CSNK1G2: variants seen among roughly 807,000 people sequenced by gnomAD.
CSNK1G2 encodes casein kinase I isoform gamma-2.
A neutral mutation model predicts 48.0 loss-of-function variants in CSNK1G2; 11 were observed. The observed-to-expected ratio is 0.23, with a 90% CI of 0.14 to 0.38. The LOEUF is 0.38. Among genes scored for constraint, CSNK1G2 ranks in the 10% least tolerant of loss-of-function variants. CSNK1G2 has a pLI of 1.00. For synonymous variants in CSNK1G2, 337 were observed against 254.1 expected (o/e 1.33, Z -3.10); for missense variants, 446 against 595.5 (o/e 0.75, Z 2.61).
At chr19:1,970,653 C>G (rs537559479) in intron 2 of CSNK1G2, among the ~76,000 whole-genome samples, 88 of 152,310 alleles carry the variant, frequency 5.8e-4, no homozygotes, top group Admixed American at 2.0e-3. Flanking sequence ...CTGTGATTAG[C>G]TGGGCCAGGG....
intron 2 of CSNK1G2, among the ~76,000 whole-genome samples, chr19:1,971,800 C>T (rs1429036471): frequency 3.6e-5 from 5 of 138,382 alleles, no homozygotes; most frequent in East Asian, 2.1e-4. Flanking sequence ...GACGGAGTCT[C>T]GCTCGGTCAC....
intron 1 of CSNK1G2, among the ~76,000 whole-genome samples, chr19:1,958,339 G>A (rs932224473): frequency 6.6e-6 from 1 of 152,016 alleles, no homozygotes; most frequent in Non-Finnish European, 1.5e-5. Context: ...GGGCCGTCTT[G>A]CAGGGCTCAG....
chr19:1,980,319 C>G lies in CSNK1G2; in HGVS notation c.*116C>G. 14 of 1,323,264 alleles carry G rather than the reference C, an allele frequency of 1.1e-5. No homozygotes were observed. Among genetic ancestry groups the G allele is most frequent in the Non-Finnish European group, 1.5e-5 (14 of 932,810 alleles). 82.0% of individuals were successfully genotyped at this position (1,323,264 alleles called of 1,614,324 possible). A position where few individuals can be genotyped will look rare whatever the true frequency, so the allele number is the denominator to read the frequency against. On this transcript the variant is annotated 3_prime_UTR_variant, in exon 12 of 12. Transcript: ENST00000255641. ...CCAGGGCCAGACCCTGGCTGGAAGC[C>G]AGAACGCAGACTGCAGGGGCCGCGC... is the stretch of plus-strand genomic sequence containing the variant.
rs574498096 is a variant in CSNK1G2 at position 1,963,573 on chromosome 19, T to C, written c.-265-5935T>C. On this transcript the variant is annotated intron_variant, in intron 1 of 11. Transcript: ENST00000255641. Reference sequence around the variant, plus strand: ...CCCAGGCTGGAGTGCAGTGGTGTGATCTCGGCTCACTGCAACCTTCGCCTT... The same window carrying C: ...CCCAGGCTGGAGTGCAGTGGTGTGACCTCGGCTCACTGCAACCTTCGCCTT... Among the ~76,000 whole-genome samples the C allele has an allele frequency of 5.3e-5, 8 of 151,230 alleles. No individual in the cohort carries two copies. In the South Asian group the frequency reaches 1.7e-3, roughly 32 times the overall value.
At chr19:1,971,879 C>T (rs904445005) in intron 2 of CSNK1G2, among the ~76,000 whole-genome samples, 3 of 151,326 alleles carry the variant, frequency 2.0e-5, no homozygotes, top group Non-Finnish European at 2.9e-5. Flanking sequence ...ACGCCATTCT[C>T]CTGCCTCAGC....
At chr19:1,954,277 G>C (rs374219251) in intron 1 of CSNK1G2, 50 of 272,330 alleles carry the variant, frequency 1.8e-4, no homozygotes, top group African/African-American at 1.1e-3. Context: ...CCTGGCACTG[G>C]AAGTATGTGC....
At chr19:1,962,847 G>A (rs976207338) in intron 1 of CSNK1G2, among the ~76,000 whole-genome samples, 15 of 152,178 alleles carry the variant, frequency 9.9e-5, no homozygotes, top group African/African-American at 3.4e-4. Flanking sequence ...CCCAGGTGGA[G>A]TGGAAGCCCG....
rs569968177 is a variant in CSNK1G2, at chr19:1,945,150, C to T, written c.-266+3732C>T. Among the ~76,000 whole-genome samples the T allele has an allele frequency of 4.6e-5, 7 of 152,350 alleles. No homozygotes were observed. The South Asian group carries it at 8.3e-4, about 18-fold the overall frequency. On this transcript the variant is annotated intron_variant, in intron 1 of 11. Coordinates refer to ENST00000255641, the MANE Select transcript of CSNK1G2 (RefSeq NM_001319.7). Reference sequence around the variant, plus strand: ...CCTGCCCAGAGTCTCTGGCCACCACCGCTGCTTGGGGCCCTGCACCAGCCT... The same window carrying T: ...CCTGCCCAGAGTCTCTGGCCACCACTGCTGCTTGGGGCCCTGCACCAGCCT...
At chr19:1,944,542 A>C (rs2014483719) in intron 1 of CSNK1G2, among the ~76,000 whole-genome samples, 1 of 152,018 alleles carries the variant, frequency 6.6e-6, no homozygotes, top group Non-Finnish European at 1.5e-5. Flanking sequence ...AGTGACAGCG[A>C]GGGGTGGTGG....
At chr19:1,942,578 C>A (rs2014407762) in intron 1 of CSNK1G2, 3 of 152,236 alleles carry the variant, frequency 2.0e-5, no homozygotes, top group Non-Finnish European at 4.4e-5. Flanking sequence ...TCCCGGAGGC[C>A]CTGGTAGCTC....
At position 1,969,914 on chromosome 19, in the gene CSNK1G2, G is replaced by A. The variant is rs146993687; in HGVS notation, c.142G>A (p.Val48Ile). The part of the protein sequence containing the change: ...GVLMVGPNFR[V>I]GKKIGCGNFG... The stretch of plus-strand genomic sequence containing the variant: ...CCTGATGGTGGGCCCCAACTTCCGC[G>A]TCGGCAAGAAGATCGGCTGCGGCAA... Residue 48 changes from valine to isoleucine, a missense_variant, in exon 2 of 12, where the codon GTC (valine) becomes ATC (isoleucine). Physicochemically the swap from Val to Ile is conservative, Grantham distance 29. Coordinates refer to ENST00000255641, the MANE Select transcript of CSNK1G2 (RefSeq NM_001319.7). 17 of 1,312,058 alleles carry A rather than the reference G, an allele frequency of 1.3e-5. No individual in the cohort carries two copies. Among genetic ancestry groups the A allele is most frequent in the East Asian group, 2.8e-5 (1 of 35,726 alleles). The allele number at this position is 1,312,058 out of a possible 1,614,324, so 81.3% of individuals were successfully genotyped here. A position where few individuals can be genotyped will look rare whatever the true frequency, so the allele number is the denominator to read the frequency against.
intron 1 of CSNK1G2, chr19:1,953,491 C>T (rs746996573): frequency 1.5e-5 from 8 of 533,750 alleles, no homozygotes. Flanking sequence ...GGCAGCCTTG[C>T]CTCCGTTTGC....
At chr19:1,948,516 C>T (rs1451298152) in intron 1 of CSNK1G2, among the ~76,000 whole-genome samples, 6 of 125,020 alleles carry the variant, frequency 4.8e-5, no homozygotes, top group South Asian at 5.6e-4. Flanking sequence ...AGTGAGACTC[C>T]GTCTCAAAAA....
intron 1 of CSNK1G2, among the ~76,000 whole-genome samples, chr19:1,946,975 A>G (rs530945779): frequency 6.6e-6 from 1 of 151,656 alleles, no homozygotes; most frequent in African/African-American, 2.4e-5. Flanking sequence ...GCTGGTCTTG[A>G]ACTCCTGACC....
intron 2 of CSNK1G2, among the ~76,000 whole-genome samples, chr19:1,974,037 G>A (rs1418699760): frequency 3.3e-5 from 5 of 151,940 alleles, no homozygotes; most frequent in South Asian, 2.1e-4. Flanking sequence ...ACAGGCGCCC[G>A]TCACCACACC....
chr19:1,959,696 C>T (rs76649780), intron 1 of CSNK1G2, among the ~76,000 whole-genome samples: 1 of 119,370 alleles, frequency 8.4e-6, no homozygotes, highest in Non-Finnish European at 1.6e-5. Flanking sequence ...CCCCAGCACC[C>T]GTCCCACCTT....
intron 1 of CSNK1G2, among the ~76,000 whole-genome samples, chr19:1,964,494 G>A (rs1338406152): frequency 2.6e-5 from 4 of 152,000 alleles, no homozygotes; most frequent in African/African-American, 9.7e-5. Flanking sequence ...CCAAGGAGAG[G>A]CCCACCCTCT....
At position 1,979,503 on chromosome 19, in the gene CSNK1G2, G is replaced by A. The variant is rs1470746993; in HGVS notation, c.862G>A (p.Ala288Thr). 1 of 1,602,518 alleles carries A rather than the reference G, an allele frequency of 6.2e-7. No homozygotes were observed. The highest frequency in any genetic ancestry group is 8.5e-7 in the Non-Finnish European group (1 of 1,178,550). Residue 288 changes from alanine (A) to threonine (T), a missense_variant, in exon 9 of 12, where the codon GCC (alanine) becomes ACC (threonine). Physicochemically the swap from Ala to Thr is moderately conservative, Grantham distance 58. Around this residue, in one of 2 missense-constraint regions of CSNK1G2, gnomAD observed 188 missense variants for 179.6 expected, o/e 1.05. Coordinates refer to ENST00000255641, the MANE Select transcript of CSNK1G2 (RefSeq NM_001319.7). ...VLCENFPEEM[A>T]TYLRYVRRLD... ...TGGCGCTCTCTCTGCAGAGGAGATGGCCACGTACCTGCGCTATGTGCGGCG... is the reference window on the plus strand; with the variant it reads ...TGGCGCTCTCTCTGCAGAGGAGATGACCACGTACCTGCGCTATGTGCGGCG...
chr19:1,955,370 G>T (rs901165052), intron 1 of CSNK1G2, among the ~76,000 whole-genome samples: 1 of 152,146 alleles, frequency 6.6e-6, no homozygotes, highest in Admixed American at 6.5e-5. Context: ...CTGAGGTGGG[G>T]GATGTGGGCT....
Sources: allele counts gnomAD v4.1 joint callset (sites outside exome capture counted in the v4.1 genomes callset), GRCh38; gene constraint gnomAD v4.1.1; regional missense constraint gnomAD v4.1.1; transcripts MANE v1.5; gene names NCBI Gene and HGNC (gene_info 2026-07-23, HGNC 2026-07-21).